The following CREB5 variants were observed in gnomAD, a reference collection of about 807,000 sequenced individuals.
CREB5 encodes cAMP responsive element binding protein 5, also known as cyclic AMP-responsive element-binding protein 5.
Under a neutral mutation model 57.1 loss-of-function variants are expected in CREB5, and 19 were observed. That is an observed-to-expected ratio of 0.33 (90% CI 0.23 to 0.49). CREB5 has a LOEUF of 0.49. Ranked by LOEUF, CREB5 falls within the 20% of genes least tolerant of loss-of-function variation. The probability of loss-of-function intolerance (pLI) is 0.99; values close to 1 mark genes in which losing one functional copy is unlikely to be tolerated. For synonymous variants in CREB5, 238 were observed against 238.3 expected, an observed-to-expected ratio of 1.00 and a Z score of 0.01; for missense variants, 579 against 671.6, an observed-to-expected ratio of 0.86 and a Z score of 1.52.
intron 1 of CREB5, among the ~76,000 whole-genome samples, chr7:28,301,126 G>A (rs1192548679): frequency 2.0e-5 from 3 of 152,180 alleles, no homozygotes; most frequent in Non-Finnish European, 2.9e-5. Context: ...GAGAACCACC[G>A]CTCTAACAGA....
chr7:28,370,054 A>T (rs1366556918), intron 1 of CREB5, among the ~76,000 whole-genome samples: 1 of 152,184 alleles, frequency 6.6e-6, no homozygotes, highest in African/African-American at 2.4e-5. Flanking sequence ...CCATAGCTAG[A>T]AGTGAGAATT....
At chr7:28,367,591 C>T (rs1023605933) in intron 1 of CREB5, among the ~76,000 whole-genome samples, 6 of 152,070 alleles carry the variant, frequency 3.9e-5, no homozygotes, top group Non-Finnish European at 7.4e-5. Context: ...GGGTGGATCA[C>T]GAGGTCAGGA....
chr7:28,366,163 C>T (rs1399984540), intron 1 of CREB5, among the ~76,000 whole-genome samples: 4 of 152,092 alleles, frequency 2.6e-5, no homozygotes, highest in African/African-American at 9.7e-5. Flanking sequence ...TATATTTTAT[C>T]ACTCCACCAA....
chr7:28,414,012 A>G (rs542471595), intron 1 of CREB5, among the ~76,000 whole-genome samples: 2 of 152,202 alleles, frequency 1.3e-5, no homozygotes, highest in East Asian at 3.9e-4. Context: ...TACTAAGCTA[A>G]AAATTATTTT....
chr7:28,729,962 A>G (rs1010680583), intron 7 of CREB5, among the ~76,000 whole-genome samples: 1 of 151,934 alleles, frequency 6.6e-6, no homozygotes, highest in Non-Finnish European at 1.5e-5. Context: ...TAGGAATTAC[A>G]TAAGATTCCA....
chr7:28,431,670 C>T (rs1049656876), intron 1 of CREB5, among the ~76,000 whole-genome samples: 3 of 152,166 alleles, frequency 2.0e-5, no homozygotes, highest in South Asian at 2.1e-4. Flanking sequence ...GATGTATCCT[C>T]CATTCACTTG....
intron 4 of CREB5, among the ~76,000 whole-genome samples, chr7:28,526,294 A>G (rs1793446780): frequency 6.6e-6 from 1 of 152,236 alleles, no homozygotes; most frequent in Admixed American, 6.5e-5. Context: ...GCAATGCAGT[A>G]TGCCCAGTAT....
At chr7:28,697,318 G>A (rs767512740) in intron 5 of CREB5, among the ~76,000 whole-genome samples, 80 of 152,240 alleles carry the variant, frequency 5.3e-4, no homozygotes, top group African/African-American at 1.8e-3. Flanking sequence ...GACCTGGGTT[G>A]TATTTCAAGT....
intron 1 of CREB5, among the ~76,000 whole-genome samples, chr7:28,434,056 G>A (rs141805344): frequency 1.6e-4 from 24 of 152,078 alleles, no homozygotes; most frequent in African/African-American, 2.2e-4. Flanking sequence ...AGGAAAGGAC[G>A]GCTTCTGGTT....
intron 1 of CREB5, among the ~76,000 whole-genome samples, chr7:28,320,899 A>G (rs1051215278): frequency 1.6e-4 from 25 of 152,246 alleles, no homozygotes; most frequent in African/African-American, 6.0e-4. Context: ...AGGTGCAAGT[A>G]TATGTAATTG....
intron 5 of CREB5, among the ~76,000 whole-genome samples, chr7:28,622,013 T>C (rs1320852669): frequency 6.6e-6 from 1 of 152,168 alleles, no homozygotes; most frequent in East Asian, 1.9e-4. Context: ...TGGATTCTAC[T>C]TGTACAAGGC....
chr7:28,683,548 T>C (rs1285625233), intron 5 of CREB5, among the ~76,000 whole-genome samples: 1 of 152,144 alleles, frequency 6.6e-6, no homozygotes, highest in African/African-American at 2.4e-5. Context: ...GTCCTTGGCA[T>C]TTGTCTGGGT....
intron 5 of CREB5, among the ~76,000 whole-genome samples, chr7:28,690,484 T>C (rs1230131329): frequency 6.6e-6 from 1 of 152,178 alleles, no homozygotes; most frequent in South Asian, 2.1e-4. Flanking sequence ...TGGGGTCTCC[T>C]GAAAAGAGCA....
At chr7:28,464,319 T>C (rs932974946) in intron 1 of CREB5, among the ~76,000 whole-genome samples, 2 of 152,196 alleles carry the variant, frequency 1.3e-5, no homozygotes, top group African/African-American at 4.8e-5. Flanking sequence ...GATATCCTTG[T>C]CTTGTTGATT....
chr7:28,308,099 G>A (rs899611695), intron 1 of CREB5, among the ~76,000 whole-genome samples: 2 of 152,172 alleles, frequency 1.3e-5, no homozygotes, highest in African/African-American at 4.8e-5. Flanking sequence ...TCAATGCAGA[G>A]ACACATCCAG....
At chr7:28,811,250 G>C (rs1809104462) in intron 9 of CREB5, among the ~76,000 whole-genome samples, 1 of 152,174 alleles carries the variant, frequency 6.6e-6, no homozygotes. Context: ...CTAAGAATTG[G>C]CTGCTTGACC....
chr7:28,702,725 G>C (rs1801926513), intron 5 of CREB5, among the ~76,000 whole-genome samples: 1 of 152,204 alleles, frequency 6.6e-6, no homozygotes. Context: ...TATGTTATTA[G>C]AAATAGCATG....
At chr7:28,471,488 T>A (rs1790803441) in intron 1 of CREB5, among the ~76,000 whole-genome samples, 1 of 152,200 alleles carries the variant, frequency 6.6e-6, no homozygotes, top group South Asian at 2.1e-4. Flanking sequence ...CAGTATAATT[T>A]GGCTATTTGG....
chr7:28,550,509 CTG>C (rs1431730632), intron 4 of CREB5, among the ~76,000 whole-genome samples: 1 of 152,202 alleles, frequency 6.6e-6, no homozygotes, highest in Admixed American at 6.5e-5. Context: ...AAAAGTGACT[CTG>C]TAAGATGTCG....
Sources: gnomAD v4.1 joint callset for allele counts (sites outside exome capture counted in the v4.1 genomes callset) on GRCh38, gnomAD v4.1.1 for gene constraint, MANE v1.5 for transcripts, NCBI Gene and HGNC (gene_info 2026-07-23, HGNC 2026-07-21) for gene names.